Variants in TFDP2 observed in about 807,000 individuals in gnomAD.
TFDP2 encodes the protein transcription factor Dp-2, also known as transcription factor Dp-2 (E2F dimerization partner 2).
In TFDP2, 17 loss-of-function variants were observed where a neutral mutation model predicts 59.3. The ratio of observed to expected loss-of-function variants is 0.29; its 90% CI spans 0.20 to 0.43. The LOEUF is 0.43. TFDP2 is among the 20% of genes least tolerant of loss of function. The pLI is 1.00. For missense variants in TFDP2, 391 were observed against 528.8 expected, an observed-to-expected ratio of 0.74 and a Z score of 2.56; for synonymous variants, 180 against 194.7, an observed-to-expected ratio of 0.92 and a Z score of 0.63.
chr3:142,039,496 C>T (rs1281100380), intron 3 of TFDP2, among the ~76,000 whole-genome samples: 1 of 152,084 alleles, frequency 6.6e-6, no homozygotes, highest in Non-Finnish European at 1.5e-5. Flanking sequence ...AAGTAAACCT[C>T]CCACCTCTCA....
Position 142,055,127 on chromosome 3 carries a change from A to C in TFDP2, c.82+37934T>G, listed in dbSNP as rs570393815. Among the ~76,000 whole-genome samples the C allele has an allele frequency of 1.9e-3, 291 of 152,298 alleles. 3 individuals carry two copies. Among genetic ancestry groups the C allele is most frequent in the Middle Eastern group, 3.4e-3 (1 of 294 alleles). ...GCAATGCAGTCAGTCTCCTCCTATC[A>C]CTGGGAATGGGATTCAACAAGCATT... is the stretch of plus-strand genomic sequence containing the variant. On this transcript the variant is annotated intron_variant, in intron 3 of 12. Transcript: ENST00000489671.
intron 1 of TFDP2, among the ~76,000 whole-genome samples, chr3:142,147,276 A>T (rs2063213852): frequency 6.6e-6 from 1 of 152,208 alleles, no homozygotes; most frequent in Non-Finnish European, 1.5e-5. Context: ...AGTGTATTTG[A>T]TTCTCTTTAA....
intron 3 of TFDP2, among the ~76,000 whole-genome samples, chr3:142,079,922 T>C (rs1051208734): frequency 1.3e-5 from 2 of 152,186 alleles, no homozygotes; most frequent in African/African-American, 4.8e-5. Flanking sequence ...AAGAAAAGGA[T>C]GTTAATGAGC....
intron 3 of TFDP2, chr3:142,044,241 T>TTTG: frequency 4.1e-6 from 1 of 243,928 alleles, no homozygotes; most frequent in South Asian, 5.2e-5. Flanking sequence ...TTTTTTTTTT[T>TTTG]TTTTTTTTTT....
At chr3:141,970,731 C>T (rs2107995855) in intron 8 of TFDP2, among the ~76,000 whole-genome samples, 1 of 152,314 alleles carries the variant, frequency 6.6e-6, no homozygotes, top group South Asian at 2.1e-4. Flanking sequence ...GCTTAGCTGA[C>T]TCTCCAATGA....
At chr3:141,995,752 G>A (rs539591884) in intron 4 of TFDP2, among the ~76,000 whole-genome samples, 3 of 151,888 alleles carry the variant, frequency 2.0e-5, no homozygotes, top group East Asian at 3.9e-4. Flanking sequence ...GTATGGTGCT[G>A]TGCGCCTGTA....
chr3:142,132,718 C>T (rs1045109097), intron 1 of TFDP2, among the ~76,000 whole-genome samples: 1 of 142,914 alleles, frequency 7.0e-6, no homozygotes, highest in Non-Finnish European at 1.5e-5. Flanking sequence ...GCACTTCAGC[C>T]TGGGCAACAG....
chr3:142,014,019 AC>A (rs766956174), intron 3 of TFDP2, among the ~76,000 whole-genome samples: 1 of 152,228 alleles, frequency 6.6e-6, no homozygotes, highest in Non-Finnish European at 1.5e-5. Context: ...CTGGTAACTT[AC>A]TATAAGAAAT....
intron 2 of TFDP2, chr3:142,093,899 T>A: frequency 2.1e-6 from 1 of 470,172 alleles, no homozygotes; most frequent in Non-Finnish European, 4.2e-6. Context: ...AGATAATTCA[T>A]GTAAAGCATA....
chr3:142,062,823 C>T (rs534889367), intron 3 of TFDP2, among the ~76,000 whole-genome samples: 4 of 152,172 alleles, frequency 2.6e-5, no homozygotes, highest in African/African-American at 9.6e-5. Context: ...AAAGGATGAA[C>T]TATGATTACT....
At chr3:142,074,202 A>T (rs1281765236) in intron 3 of TFDP2, among the ~76,000 whole-genome samples, 2 of 151,232 alleles carry the variant, frequency 1.3e-5, no homozygotes, top group Non-Finnish European at 2.9e-5. Flanking sequence ...TGAGGTCAGG[A>T]GTTCGAGACC....
chr3:142,077,782 T>C (rs1419990515), intron 3 of TFDP2, among the ~76,000 whole-genome samples: 1 of 151,982 alleles, frequency 6.6e-6, no homozygotes, highest in Non-Finnish European at 1.5e-5. Context: ...ACTCCTTCTG[T>C]TTGAGAAAAG....
At chr3:142,139,839 TG>T in intron 1 of TFDP2, among the ~76,000 whole-genome samples, 1 of 152,322 alleles carries the variant, frequency 6.6e-6, no homozygotes, top group East Asian at 1.9e-4. Flanking sequence ...CTGACAGTTA[TG>T]TATCTTGGGG....
intron 6 of TFDP2, among the ~76,000 whole-genome samples, chr3:141,992,661 C>T (rs1042970958): frequency 3.9e-5 from 6 of 152,120 alleles, no homozygotes; most frequent in African/African-American, 7.2e-5. Flanking sequence ...CTGTTGAAAA[C>T]GATTAGCACC....
rs55633822 is a variant in TFDP2, at chr3:142,121,764, T to C, written c.-92-19923A>G. Among the ~76,000 whole-genome samples, 12,636 of 152,078 alleles carry C rather than the reference T, an allele frequency of 0.083. 656 individuals are homozygous for C. Among genetic ancestry groups the C allele is most frequent in the Middle Eastern group, 0.14 (42 of 294 alleles). On this transcript the variant is annotated intron_variant, in intron 1 of 12. Transcript: ENST00000489671. The surrounding 1 kb of genome is among the most constrained non-coding windows in gnomAD (Gnocchi z 4.3). The stretch of plus-strand genomic sequence containing the variant: ...TGTAATCCCAGCACTTCTGGGATGC[T>C]GAGGCGGACGGAACACCTGAGGTCA...
chr3:141,972,428 T>TCC (rs1576520993), intron 8 of TFDP2, among the ~76,000 whole-genome samples: 1 of 152,214 alleles, frequency 6.6e-6, no homozygotes, highest in Non-Finnish European at 1.5e-5. Context: ...CTTTGTAATT[T>TCC]ATCAACTGCT....
rs552737896 is a variant in TFDP2, at chr3:141,966,637, C to T, written c.733-2674G>A. Reference sequence around the variant, plus strand: ...TTTTCAAACTCATTAACATCTATTCCAGAGGCTGAACAGCTTTAAGTGTGT... The same window carrying T: ...TTTTCAAACTCATTAACATCTATTCTAGAGGCTGAACAGCTTTAAGTGTGT... On this transcript the variant is annotated intron_variant, in intron 9 of 12. Transcript: ENST00000489671. Among the ~76,000 whole-genome samples the T allele has an allele frequency of 1.8e-4, 27 of 151,688 alleles. 3 individuals are homozygous for T. The highest frequency in any genetic ancestry group is 5.6e-4 in the African/African-American group (23 of 41,154).
chr3:141,974,755 G>A (rs544368417), intron 7 of TFDP2, among the ~76,000 whole-genome samples: 106 of 152,146 alleles, frequency 7.0e-4, no homozygotes, highest in African/African-American at 2.4e-3. Context: ...CAAGTTCTGG[G>A]TAAAACTGTG....
At chr3:141,971,366 G>A (rs1304695141) in intron 8 of TFDP2, among the ~76,000 whole-genome samples, 2 of 128,542 alleles carry the variant, frequency 1.6e-5, no homozygotes, top group Non-Finnish European at 3.2e-5. Flanking sequence ...GTGAAACCTC[G>A]TCTCTACTAA....
Sources: gnomAD v4.1 joint callset for allele counts (sites outside exome capture counted in the v4.1 genomes callset) on GRCh38, gnomAD v4.1.1 for gene constraint, Gnocchi (gnomAD v3.1) non-coding constraint, MANE v1.5 for transcripts, NCBI Gene and HGNC (gene_info 2026-07-23, HGNC 2026-07-21) for gene names.